Variants in SLC17A8 observed in about 807,000 individuals in gnomAD.
SLC17A8 encodes vesicular glutamate transporter 3.
In SLC17A8, 31 loss-of-function variants were observed where a neutral mutation model predicts 58.0. That is an observed-to-expected ratio of 0.53 (90% CI 0.40 to 0.72). The LOEUF is 0.72. Ranked by LOEUF, SLC17A8 falls within the 30% of genes least tolerant of loss-of-function variation. The pLI is 0.00. For synonymous variants in SLC17A8, 228 were observed against 249.0 expected (o/e 0.92, Z 0.79); for missense variants, 655 against 727.8 (o/e 0.90, Z 1.15).
intron 3 of SLC17A8, among the ~76,000 whole-genome samples, chr12:100,391,721 C>A (rs930033288): frequency 2.6e-5 from 4 of 152,094 alleles, no homozygotes; most frequent in African/African-American, 9.7e-5. Flanking sequence ...GGTTCCTGCC[C>A]CCTAACTGGA....
chr12:100,380,987 T>C, intron 2 of SLC17A8, 34 bp downstream of exon 2: 1 of 1,612,972 alleles, frequency 6.2e-7, no homozygotes, highest in Admixed American at 1.7e-5. Context: ...GACTTTTCTT[T>C]TTGAGACAGG....
At chr12:100,359,812 T>A (rs994751075) in intron 1 of SLC17A8, among the ~76,000 whole-genome samples, 1 of 152,184 alleles carries the variant, frequency 6.6e-6, no homozygotes, top group Non-Finnish European at 1.5e-5. Flanking sequence ...ACTGGGCATT[T>A]CCCTCTCATT....
chr12:100,411,118 G>C (rs1332728656), intron 9 of SLC17A8, among the ~76,000 whole-genome samples: 1 of 152,166 alleles, frequency 6.6e-6, no homozygotes, highest in South Asian at 2.1e-4. Context: ...AAGAAAGCAC[G>C]TGGTGGCGAT....
At chr12:100,359,178 G>T (rs983411851) in intron 1 of SLC17A8, among the ~76,000 whole-genome samples, 18 of 151,948 alleles carry the variant, frequency 1.2e-4, no homozygotes, top group Admixed American at 7.9e-4. Flanking sequence ...TATGACGTTG[G>T]GCCATAGTCA....
At chr12:100,358,339 T>G (rs1325752440) in intron 1 of SLC17A8, among the ~76,000 whole-genome samples, 2 of 152,220 alleles carry the variant, frequency 1.3e-5, no homozygotes, top group Non-Finnish European at 2.9e-5. Context: ...TGATTATTTC[T>G]AATCCTGGTG....
At chr12:100,362,073 T>G (rs1369105909) in intron 1 of SLC17A8, among the ~76,000 whole-genome samples, 1 of 152,218 alleles carries the variant, frequency 6.6e-6, no homozygotes, top group Admixed American at 6.5e-5. Context: ...ACAAGCGATG[T>G]GCTGAGTCCT....
At chr12:100,376,675 T>C (rs559543294) in intron 1 of SLC17A8, among the ~76,000 whole-genome samples, 2 of 152,316 alleles carry the variant, frequency 1.3e-5, no homozygotes, top group East Asian at 1.9e-4. Context: ...AAAGTATCTG[T>C]AGAGGAGGGC....
intron 3 of SLC17A8, among the ~76,000 whole-genome samples, 175 bp from the exon 4 acceptor site, chr12:100,393,194 C>T (rs943137195): frequency 3.9e-5 from 6 of 152,170 alleles, no homozygotes; most frequent in African/African-American, 1.4e-4. Flanking sequence ...AAACTCCTGA[C>T]CTCAGGTGAT....
Position 100,412,868 on chromosome 12 carries a change from T to A in SLC17A8, c.1285T>A (p.Phe429Ile), listed in dbSNP as rs1305538062. 1 of 1,613,468 alleles carries A rather than the reference T, an allele frequency of 6.2e-7. No individual in the cohort carries two copies. The highest frequency in any genetic ancestry group is 1.7e-5 in the Admixed American group (1 of 60,024). Residue 429 changes from phenylalanine to isoleucine, a missense_variant, in exon 10 of 12, where the codon TTC becomes ATC. Physicochemically the swap from Phe to Ile is conservative, Grantham distance 21. Transcript: ENST00000323346. ...FLVLAVGFSG[F>I]AISGFNVNHL... ...GGTACTTGCTGTAGGATTTAGTGGC[T>A]TCGCTATTTCAGGTAATGTGTCCTT...
Position 100,418,135 on chromosome 12 carries a change from C to T in SLC17A8, c.1404C>T (p.Val468=), listed in dbSNP as rs140537845. 1.1e-4 allele frequency: 172 copies of T among 1,613,928 alleles called. No individual in the cohort carries two copies. The highest frequency in any genetic ancestry group is 1.4e-4 in the Non-Finnish European group (163 of 1,179,992). The change falls in exon 11 of 12, where the codon GTC becomes GTT. Residue 468 remains valine (V), a synonymous_variant. Transcript: ENST00000323346. ...CTGGAATGGTCTGTCCCCTCATTGT[C>T]GGTGCAATGACCAGGCACAAGGTAA... is the stretch of plus-strand genomic sequence containing the variant. ...TLSGMVCPLI[V]GAMTRHKTRE...
chr12:100,380,769 C>T lies in SLC17A8; in HGVS notation c.170C>T (p.Thr57Met), dbSNP rs773887574. ...ELNEEGRPVQ[T>M]SRPSPPLCDC... is the part of the protein sequence containing the mutation. The stretch of plus-strand genomic sequence containing the variant: ...AATGAAGAAGGAAGGCCGGTGCAGA[C>T]GTCCAGGCCAAGCCCCCCACTCTGC... The change falls in exon 2 of 12, where the codon ACG (threonine) becomes ATG (methionine). Residue 57 changes from threonine to methionine, a missense_variant. By Grantham distance (81) the Thr-to-Met change is moderately conservative. Transcript: ENST00000323346. The T allele has an allele frequency of 8.1e-6, 13 of 1,613,990 alleles. No individual in the cohort carries two copies. The highest frequency in any genetic ancestry group is 3.3e-5 in the South Asian group (3 of 91,086).
intron 5 of SLC17A8, among the ~76,000 whole-genome samples, chr12:100,399,846 G>T (rs1051054458): frequency 2.0e-5 from 3 of 152,116 alleles, no homozygotes; most frequent in Non-Finnish European, 4.4e-5. Flanking sequence ...GAATTATTAG[G>T]TGCTTTTGAG....
rs540525737 is a variant in SLC17A8, at chr12:100,357,406, A to G, written c.15A>G (p.Ala5=). The G allele has an allele frequency of 4.8e-5, 78 of 1,609,980 alleles. No individual in the cohort carries two copies. The East Asian group carries it at 1.6e-3, about 33-fold the overall frequency. Reference sequence around the variant, plus strand: ...CCTCATTCAAAATGCCTTTTAAAGCATTTGATACCTTCAAAGAAAAAATTC... The same window carrying G: ...CCTCATTCAAAATGCCTTTTAAAGCGTTTGATACCTTCAAAGAAAAAATTC... MPFK[A]FDTFKEKILK... The change falls in exon 1 of 12, where the codon GCA becomes GCG. Residue 5 remains alanine, a synonymous_variant. Transcript: ENST00000323346.
chr12:100,394,550 A>C (rs1315067771), intron 4 of SLC17A8, among the ~76,000 whole-genome samples: 1 of 150,596 alleles, frequency 6.6e-6, no homozygotes, highest in Non-Finnish European at 1.5e-5. Context: ...TACAGGTGCC[A>C]GTTACCACAC....
intron 1 of SLC17A8, among the ~76,000 whole-genome samples, chr12:100,379,952 C>G (rs1342214711): frequency 6.6e-6 from 1 of 152,086 alleles, no homozygotes; most frequent in Non-Finnish European, 1.5e-5. Context: ...ATAATCCCAG[C>G]ACTTTGGGAG....
chr12:100,415,433 CAAA>C (rs71303557), intron 10 of SLC17A8, among the ~76,000 whole-genome samples: 2 of 130,682 alleles, frequency 1.5e-5, no homozygotes, highest in Non-Finnish European at 1.6e-5. Flanking sequence ...GATTCTGTCT[CAAA>C]AAAAAAAAAA....
At chr12:100,362,675 G>A (rs990620336) in intron 1 of SLC17A8, among the ~76,000 whole-genome samples, 1 of 152,162 alleles carries the variant, frequency 6.6e-6, no homozygotes, top group Non-Finnish European at 1.5e-5. Flanking sequence ...AGATCAACTT[G>A]CTTCTCACAT....
intron 1 of SLC17A8, among the ~76,000 whole-genome samples, chr12:100,361,849 T>C (rs1948821200): frequency 6.6e-6 from 1 of 151,978 alleles, no homozygotes; most frequent in African/African-American, 2.4e-5. Flanking sequence ...TAGTCGTAGC[T>C]ACTCAGGAGG....
chr12:100,408,937 A>T (rs557742807), intron 9 of SLC17A8, among the ~76,000 whole-genome samples: 4 of 152,338 alleles, frequency 2.6e-5, no homozygotes, highest in African/African-American at 9.6e-5. Context: ...TAAAAGTAAG[A>T]CTTCCCTAAT....
Sources: gnomAD v4.1 joint callset for allele counts (sites outside exome capture counted in the v4.1 genomes callset) on GRCh38, gnomAD v4.1.1 for gene constraint, MANE v1.5 for transcripts, NCBI Gene and HGNC (gene_info 2026-07-23, HGNC 2026-07-21) for gene names.